HDAC4: variants seen among roughly 807,000 people sequenced by gnomAD.
HDAC4 encodes the protein histone deacetylase 4.
HDAC4 carries 16 observed loss-of-function variants against 135.1 expected under a neutral mutation model. The ratio of observed to expected loss-of-function variants is 0.12; its 90% CI spans 0.08 to 0.18. HDAC4 has a LOEUF of 0.18. Ranked by LOEUF, HDAC4 falls within the 10% of genes least tolerant of loss-of-function variation. HDAC4 has a pLI of 1.00. For missense variants in HDAC4, 1,143 were observed against 1,511.8 expected, an observed-to-expected ratio of 0.76 and a Z score of 4.05; for synonymous variants, 685 against 653.4, an observed-to-expected ratio of 1.05 and a Z score of -0.74.
At chr2:239,124,539 CGT>C (rs2039973378) in intron 12 of HDAC4, among the ~76,000 whole-genome samples, 1 of 151,832 alleles carries the variant, frequency 6.6e-6, no homozygotes, top group East Asian at 2.0e-4. Context: ...GGCGTGTGGC[CGT>C]GCGTCATTCC....
At chr2:239,312,694 G>A (rs979685460) in intron 2 of HDAC4, among the ~76,000 whole-genome samples, 3 of 152,182 alleles carry the variant, frequency 2.0e-5, no homozygotes, top group Admixed American at 6.5e-5. Context: ...TTCTTCCAGC[G>A]TGTCCCATGG....
chr2:239,267,408 C>T (rs1360744704), intron 2 of HDAC4, among the ~76,000 whole-genome samples: 1 of 152,212 alleles, frequency 6.6e-6, no homozygotes, highest in African/African-American at 2.4e-5. Context: ...AGCACCAGGG[C>T]CCATGGCACC....
intron 3 of HDAC4, among the ~76,000 whole-genome samples, chr2:239,201,630 A>G (rs604067): frequency 0.69 from 104,704 of 152,066 alleles, 36,730 homozygotes; most frequent in South Asian, 0.78. Flanking sequence ...AGGCCGAGAC[A>G]ACAGCCCCAG....
At chr2:239,198,584 G>A (rs1361048493) in intron 3 of HDAC4, among the ~76,000 whole-genome samples, 1 of 152,186 alleles carries the variant, frequency 6.6e-6, no homozygotes, top group African/African-American at 2.4e-5. Flanking sequence ...TCGCTGGAGA[G>A]CACCCCTTTG....
chr2:239,089,322 A>T (rs1177725030), intron 18 of HDAC4, among the ~76,000 whole-genome samples: 1 of 151,950 alleles, frequency 6.6e-6, no homozygotes, highest in Non-Finnish European at 1.5e-5. Context: ...TTTTTTTATT[A>T]CTTTTTAATT....
intron 6 of HDAC4, among the ~76,000 whole-genome samples, chr2:239,159,668 G>A (rs748110195): frequency 2.0e-5 from 3 of 151,580 alleles, no homozygotes; most frequent in Admixed American, 6.6e-5. Context: ...AGCTAACCCC[G>A]GCCACAGCCC....
At chr2:239,118,290 C>T (rs1046350757) in intron 12 of HDAC4, among the ~76,000 whole-genome samples, 2 of 152,240 alleles carry the variant, frequency 1.3e-5, no homozygotes, top group African/African-American at 4.8e-5. Context: ...CATTGTTTAT[C>T]TCTAAACCGA....
At chr2:239,144,553 G>A (rs201107761) in intron 8 of HDAC4, 30 bp downstream of exon 8, 277 of 1,612,512 alleles carry the variant, frequency 1.7e-4, no homozygotes, top group Non-Finnish European at 1.8e-4. Context: ...AGAGGGCAGC[G>A]GGGCGGGTGT....
chr2:239,236,450 G>A (rs1032290071), intron 3 of HDAC4, 143 bp downstream of exon 3: 57 of 667,378 alleles, frequency 8.5e-5, no homozygotes, highest in Non-Finnish European at 1.4e-4. Context: ...TTACCACCAG[G>A]AAGAGCACCC....
At chr2:239,093,496 T>G (rs2036713970) in intron 17 of HDAC4, among the ~76,000 whole-genome samples, 1 of 152,234 alleles carries the variant, frequency 6.6e-6, no homozygotes, top group Non-Finnish European at 1.5e-5. Context: ...GGCAGGGGTC[T>G]GCACCGGCCT....
chr2:239,247,559 C>T (rs909364200), intron 2 of HDAC4, among the ~76,000 whole-genome samples: 2 of 152,264 alleles, frequency 1.3e-5, no homozygotes, highest in African/African-American at 4.8e-5. Flanking sequence ...GCCGAACAAG[C>T]TGCTCACCAA....
At chr2:239,362,644 A>T (rs1172692671) in intron 1 of HDAC4, among the ~76,000 whole-genome samples, 1 of 152,150 alleles carries the variant, frequency 6.6e-6, no homozygotes, top group Non-Finnish European at 1.5e-5. Context: ...GTGAACCAAA[A>T]GGAGAACCCA....
At chr2:239,073,555 C>A (rs2034418227) in intron 22 of HDAC4, among the ~76,000 whole-genome samples, 1 of 152,242 alleles carries the variant, frequency 6.6e-6, no homozygotes, top group Non-Finnish European at 1.5e-5. Flanking sequence ...ACTTGGCCCA[C>A]CAGCTGGAGT....
At chr2:239,174,386 G>A (rs1258814918) in intron 5 of HDAC4, among the ~76,000 whole-genome samples, 1 of 113,908 alleles carries the variant, frequency 8.8e-6, no homozygotes, top group African/African-American at 3.3e-5. Context: ...TTCACAAAAA[G>A]GGGAATATTC....
At chr2:239,302,520 G>T (rs2052328333) in intron 2 of HDAC4, among the ~76,000 whole-genome samples, 1 of 152,210 alleles carries the variant, frequency 6.6e-6, no homozygotes, top group South Asian at 2.1e-4. Context: ...GCTTCCCCCA[G>T]GAAGGAGAAT....
chr2:239,341,231 T>C (rs1314939469), intron 2 of HDAC4, among the ~76,000 whole-genome samples: 1 of 152,258 alleles, frequency 6.6e-6, no homozygotes. Flanking sequence ...GGCAGTGCTA[T>C]GGAAGCACAT....
intron 3 of HDAC4, among the ~76,000 whole-genome samples, chr2:239,201,694 G>C (rs911910175): frequency 1.3e-5 from 2 of 152,202 alleles, no homozygotes; most frequent in African/African-American, 4.8e-5. Context: ...AACAGGTGAC[G>C]AGAGGGGAAG....
In HDAC4 at chr2:239,383,826, AACAGGATGCAG is replaced by A. The variant is rs1416755941; in HGVS notation, c.-220+17141_-220+17151del. 5.9e-5 allele frequency among the ~76,000 whole-genome samples: 9 copies of A among 152,316 alleles called. No individual in the cohort carries two copies. In the East Asian group the frequency reaches 1.7e-3, roughly 29 times the overall value. On this transcript the variant is annotated intron_variant, in intron 1 of 26. Transcript: ENST00000543185. ...AGTGAGAAAAATGATACAAAGTGGA[AACAGGATGCAG>A]ACAGGATGAAGCTCATCCACACAGT...
intron 2 of HDAC4, among the ~76,000 whole-genome samples, chr2:239,295,626 T>C (rs1313331522): frequency 6.6e-6 from 1 of 152,218 alleles, no homozygotes; most frequent in African/African-American, 2.4e-5. Flanking sequence ...CATTCTCACT[T>C]TGTAATTTGC....
Sources: allele counts gnomAD v4.1 joint callset (sites outside exome capture counted in the v4.1 genomes callset), GRCh38; gene constraint gnomAD v4.1.1; transcripts MANE v1.5; gene names NCBI Gene and HGNC (gene_info 2026-07-23, HGNC 2026-07-21).